Variants in WDR27 observed in about 807,000 individuals in gnomAD.
The protein encoded by WDR27 is WD repeat domain 27.
Under a neutral mutation model 114.4 loss-of-function variants are expected in WDR27, and 100 were observed. The ratio of observed to expected loss-of-function variants is 0.87; its 90% CI spans 0.74 to 1.03. The LOEUF (loss-of-function observed/expected upper bound fraction) is 1.03, where lower values mean the gene tolerates loss of function less well. Among genes scored for constraint, WDR27 ranks in the 50% least tolerant of loss-of-function variants. The pLI is 0.00. For missense variants in WDR27, 1,129 were observed against 1,092.9 expected (o/e 1.03, Z -0.47); for synonymous variants, 449 against 423.1 (o/e 1.06, Z -0.75).
At chr6:169,472,471 C>A (rs1379013595) in intron 25 of WDR27, among the ~76,000 whole-genome samples, 1 of 152,148 alleles carries the variant, frequency 6.6e-6, no homozygotes, top group Non-Finnish European at 1.5e-5. Context: ...TACTTAAATT[C>A]TCTTTACCTC....
chr6:169,698,269 G>A (rs199579876), intron 1 of WDR27, among the ~76,000 whole-genome samples: 1 of 97,902 alleles, frequency 1.0e-5, no homozygotes, highest in Non-Finnish European at 2.1e-5. Flanking sequence ...CAGTGTATTC[G>A]GCTTCAATGC....
chr6:169,539,183 G>A (rs1796548665), intron 25 of WDR27, among the ~76,000 whole-genome samples: 1 of 152,086 alleles, frequency 6.6e-6, no homozygotes, highest in Non-Finnish European at 1.5e-5. Flanking sequence ...ACAGCCCCCT[G>A]GTCTTCTGAC....
intron 25 of WDR27, among the ~76,000 whole-genome samples, chr6:169,532,068 T>C (rs528305584): frequency 6.6e-6 from 1 of 152,348 alleles, no homozygotes; most frequent in Admixed American, 6.5e-5. Flanking sequence ...CAGCTGTATT[T>C]AAAGTTTAGA....
chr6:169,477,907 C>G (rs994442985), intron 25 of WDR27, among the ~76,000 whole-genome samples: 2 of 152,206 alleles, frequency 1.3e-5, no homozygotes, highest in African/African-American at 4.8e-5. Context: ...AACATCCACA[C>G]ACTGGCAAAT....
At chr6:169,652,232 T>TTTGTTGTTGTTGTTTTGTTG (rs990346274) in intron 13 of WDR27, among the ~76,000 whole-genome samples, 1 of 152,114 alleles carries the variant, frequency 6.6e-6, no homozygotes, top group Non-Finnish European at 1.5e-5. Flanking sequence ...AGTTGGTTGT[T>TTTGTTGTTGTTGTTTTGTTG]TTGTTGTTGT....
At chr6:169,504,246 T>G (rs1281438282) in intron 25 of WDR27, among the ~76,000 whole-genome samples, 1 of 152,226 alleles carries the variant, frequency 6.6e-6, no homozygotes, top group African/African-American at 2.4e-5. Flanking sequence ...GACTTCTGTG[T>G]TAGATGAATG....
At chr6:169,600,242 C>T (rs1414947701) in intron 23 of WDR27, among the ~76,000 whole-genome samples, 1 of 152,156 alleles carries the variant, frequency 6.6e-6, no homozygotes, top group Non-Finnish European at 1.5e-5. Context: ...AACAGACCTG[C>T]AGCTGAGGGT....
downstream of WDR27, among the ~76,000 whole-genome samples, chr6:169,452,780 T>G (rs1370283969): frequency 6.6e-6 from 1 of 152,268 alleles, no homozygotes; most frequent in East Asian, 1.9e-4. Context: ...TGCCAAATCT[T>G]GCATTTCAGA....
intron 25 of WDR27, among the ~76,000 whole-genome samples, chr6:169,504,054 C>A (rs1173921813): frequency 6.6e-6 from 1 of 151,866 alleles, no homozygotes; most frequent in African/African-American, 2.4e-5. Context: ...CATAAAAAAT[C>A]GGACATTAAT....
At chr6:169,486,654 G>T (rs1167016772) in intron 25 of WDR27, among the ~76,000 whole-genome samples, 2 of 152,110 alleles carry the variant, frequency 1.3e-5, no homozygotes, top group Admixed American at 1.3e-4. Flanking sequence ...ACCACGCCCA[G>T]CTAATTTTCA....
intron 25 of WDR27, among the ~76,000 whole-genome samples, chr6:169,565,523 A>G (rs1800323637): frequency 6.6e-6 from 1 of 152,162 alleles, no homozygotes; most frequent in South Asian, 2.1e-4. Context: ...CGCAGTGGAG[A>G]AACTGAGTGT....
chr6:169,574,349 T>A (rs1055083757), intron 24 of WDR27, among the ~76,000 whole-genome samples: 1 of 152,242 alleles, frequency 6.6e-6, no homozygotes, highest in Non-Finnish European at 1.5e-5. Flanking sequence ...AAACATTACT[T>A]TTTTTTAAGC....
chr6:169,685,330 T>C (rs576062454), intron 2 of WDR27, among the ~76,000 whole-genome samples: 16 of 148,816 alleles, frequency 1.1e-4, no homozygotes, highest in African/African-American at 3.7e-4. Flanking sequence ...AAAACAACAA[T>C]TTTCCAGTAA....
intron 22 of WDR27, among the ~76,000 whole-genome samples, chr6:169,611,557 C>T (rs1457925643): frequency 1.3e-5 from 2 of 152,220 alleles, no homozygotes; most frequent in East Asian, 1.9e-4. Flanking sequence ...CCGCCCACCT[C>T]GGCCTCCCAA....
chr6:169,638,340 A>G lies in WDR27; in HGVS notation c.1869+199T>C, dbSNP rs201567724. On this transcript the variant is annotated intron_variant, in intron 18 of 25. Transcript: ENST00000448612. ...TCCGTCTCAAAAAAAAAAAAAAAAAAAAAAAAAAAAAGAAACTAATCAATA... is the reference window on the plus strand; with the variant it reads ...TCCGTCTCAAAAAAAAAAAAAAAAAGAAAAAAAAAAAGAAACTAATCAATA... 4.9e-4 allele frequency among the ~76,000 whole-genome samples: 69 copies of G among 140,158 alleles called. 5 individuals carry two copies. Among genetic ancestry groups the G allele is most frequent in the East Asian group, 4.1e-3 (13 of 3,164 alleles). 91.9% of individuals were successfully genotyped at this position (140,158 alleles called of 152,430 possible). A position where few individuals can be genotyped will look rare whatever the true frequency, so the allele number is the denominator to read the frequency against.
At chr6:169,435,262 G>A in the WDR27 span, among the ~76,000 whole-genome samples, 24 of 152,376 alleles carry the variant, frequency 1.6e-4, no homozygotes, top group Non-Finnish European at 2.5e-4. Flanking sequence ...GGAGCCCCAC[G>A]GAGAACCTCT....
At chr6:169,520,959 TAGAA>T (rs774840162) in intron 25 of WDR27, among the ~76,000 whole-genome samples, 2 of 151,870 alleles carry the variant, frequency 1.3e-5, no homozygotes, top group Non-Finnish European at 2.9e-5. Flanking sequence ...AACAAGGAGG[TAGAA>T]AGCTTATTCA....
the WDR27 span, among the ~76,000 whole-genome samples, chr6:169,443,368 G>A: frequency 4.7e-4 from 72 of 152,356 alleles, no homozygotes; most frequent in Admixed American, 9.8e-4. Flanking sequence ...TAAGAGAATG[G>A]TTCCATTCGC....
At chr6:169,661,007 G>A (rs1825948779) in intron 9 of WDR27, among the ~76,000 whole-genome samples, 1 of 149,784 alleles carries the variant, frequency 6.7e-6, no homozygotes, top group South Asian at 2.1e-4. Flanking sequence ...GGGAGCGTGG[G>A]CGTTGGGCCC....
Sources: gnomAD v4.1 joint callset for allele counts (sites outside exome capture counted in the v4.1 genomes callset) on GRCh38, gnomAD v4.1.1 for gene constraint, MANE v1.5 for transcripts, NCBI Gene and HGNC (gene_info 2026-07-23, HGNC 2026-07-21) for gene names.